TMEM167A: variants seen among roughly 807,000 people sequenced by gnomAD.
TMEM167A encodes the protein protein kish-A.
In TMEM167A, 8 loss-of-function variants were observed where a neutral mutation model predicts 11.6. The ratio of observed to expected loss-of-function variants is 0.69; its 90% CI spans 0.40 to 1.24. The LOEUF (loss-of-function observed/expected upper bound fraction) is 1.24, where lower values mean the gene tolerates loss of function less well. Among genes scored for constraint, TMEM167A ranks in the 50% most tolerant of loss-of-function variants. The pLI is 0.01. For synonymous variants in TMEM167A, 22 were observed against 28.0 expected (o/e 0.79, Z 0.67); for missense variants, 62 against 87.0 (o/e 0.71, Z 1.14).
chr5:83,068,287 A>T (rs1177670016), intron 1 of TMEM167A, among the ~76,000 whole-genome samples: 2 of 152,148 alleles, frequency 1.3e-5, no homozygotes, highest in African/African-American at 4.8e-5. Flanking sequence ...CCTTCCCTAC[A>T]GGAGTTTATG....
At chr5:83,074,839 C>A (rs919936906) in intron 1 of TMEM167A, among the ~76,000 whole-genome samples, 1 of 151,702 alleles carries the variant, frequency 6.6e-6, no homozygotes, top group Non-Finnish European at 1.5e-5. Context: ...GGCACAATCT[C>A]GACACACCGC....
rs1561307732 is a variant in TMEM167A at position 83,077,301 on chromosome 5, CT to C, written c.3+19del. On this transcript the variant is annotated intron_variant, in intron 1 of 3. Coordinates refer to ENST00000502346, the MANE Select transcript of TMEM167A (RefSeq NM_174909.5). ...CCCCTTCTCGAAGATCAACCGCGAC[CT>C]GGGAGCCCCACTTCTTACCATAGCG... The C allele has an allele frequency of 6.2e-7, 1 of 1,614,234 alleles. No individual in the cohort carries two copies. The highest frequency in any genetic ancestry group is 1.1e-5 in the South Asian group (1 of 91,092).
chr5:83,072,813 G>A lies in TMEM167A; in HGVS notation c.3+4508C>T, dbSNP rs536714451. Reference sequence around the variant, plus strand: ...CAATCAGTATTCAAAAGCTTTGCTAGAGAAGATCAGCACCCACATCAGATT... The same window carrying A: ...CAATCAGTATTCAAAAGCTTTGCTAAAGAAGATCAGCACCCACATCAGATT... On this transcript the variant is annotated intron_variant, in intron 1 of 3. Coordinates refer to ENST00000502346, the MANE Select transcript of TMEM167A (RefSeq NM_174909.5). 2.0e-5 allele frequency among the ~76,000 whole-genome samples: 3 copies of A among 152,252 alleles called. No individual in the cohort carries two copies. The East Asian group carries it at 5.8e-4, about 29-fold the overall frequency.
In TMEM167A at chr5:83,055,792, A is replaced by G. The variant is rs139633659; in HGVS notation, c.*1292T>C. On this transcript the variant is annotated 3_prime_UTR_variant, in exon 4 of 4. Transcript: ENST00000502346. ...TGCAGAAATAACTACTAGCCTATTA[A>G]TCTAGAAATAATTTTTTTTGTTTAA... is the stretch of plus-strand genomic sequence containing the variant. 2.4e-5 allele frequency: 1 copy of G among 41,900 alleles called. No homozygotes were observed. Among genetic ancestry groups the G allele is most frequent in the African/African-American group, 1.4e-4 (1 of 7,110 alleles). 2.6% of individuals were successfully genotyped at this position (41,900 alleles called of 1,614,324 possible). A position where few individuals can be genotyped will look rare whatever the true frequency, so the allele number is the denominator to read the frequency against.
In TMEM167A at chr5:83,061,863, T is replaced by TTA. The variant is rs761245352; in HGVS notation, c.148+12_148+13dup. ...TTACAGCTGAAGAAATGGAGGGAGA[T>TTA]TATAGACACTTACCAATTCTGGCAC... On this transcript the variant is annotated intron_variant, in intron 3 of 3. Coordinates refer to ENST00000502346, the MANE Select transcript of TMEM167A (RefSeq NM_174909.5). 1.2e-6 allele frequency: 2 copies of TTA among 1,602,590 alleles called. No individual in the cohort carries two copies. The highest frequency in any genetic ancestry group is 1.7e-5 in the Admixed American group (1 of 59,972).
chr5:83,067,781 G>A (rs1349642282), intron 1 of TMEM167A, among the ~76,000 whole-genome samples: 1 of 151,960 alleles, frequency 6.6e-6, no homozygotes, highest in Non-Finnish European at 1.5e-5. Context: ...CTAAAGTGCT[G>A]GGATTACAGG....
intron 1 of TMEM167A, among the ~76,000 whole-genome samples, chr5:83,071,906 C>T (rs1043336013): frequency 6.6e-6 from 1 of 152,186 alleles, no homozygotes; most frequent in African/African-American, 2.4e-5. Context: ...CATCTCACAT[C>T]TCCACTTGTC....
intron 1 of TMEM167A, among the ~76,000 whole-genome samples, chr5:83,067,415 G>A (rs1744499034): frequency 6.6e-6 from 1 of 152,158 alleles, no homozygotes; most frequent in African/African-American, 2.4e-5. Context: ...GTAGGCAAAA[G>A]GGGATCAAAG....
At chr5:83,059,465 C>T (rs1744377221) in intron 3 of TMEM167A, among the ~76,000 whole-genome samples, 1 of 147,726 alleles carries the variant, frequency 6.8e-6, no homozygotes, top group African/African-American at 2.7e-5. Context: ...CCATTATGTT[C>T]TCTCTTTGTA....
chr5:83,060,704 G>A (rs1409918642), intron 3 of TMEM167A, among the ~76,000 whole-genome samples: 1 of 151,684 alleles, frequency 6.6e-6, no homozygotes, highest in Non-Finnish European at 1.5e-5. Context: ...GGTGGTGGGT[G>A]CCTGTAATCC....
chr5:83,067,838 AG>A (rs2112245776), intron 1 of TMEM167A, among the ~76,000 whole-genome samples: 1 of 152,282 alleles, frequency 6.6e-6, no homozygotes, highest in South Asian at 2.1e-4. Context: ...CAACTTTTCT[AG>A]ATTTCTCAAA....
intron 2 of TMEM167A, chr5:83,064,162 C>A: frequency 2.0e-6 from 1 of 499,132 alleles, no homozygotes. Context: ...TGTATTAGTA[C>A]ATATTTTAAA....
At chr5:83,077,264 C>A in intron 1 of TMEM167A, 57 bp downstream of exon 1, 2 of 1,614,080 alleles carry the variant, frequency 1.2e-6, no homozygotes, top group Admixed American at 3.3e-5. Context: ...CAGCCCTAGT[C>A]TAGATCCACA....
At chr5:83,060,380 C>T (rs1744390380) in intron 3 of TMEM167A, among the ~76,000 whole-genome samples, 1 of 150,746 alleles carries the variant, frequency 6.6e-6, no homozygotes, top group African/African-American at 2.4e-5. Context: ...AAGAAGAGTA[C>T]TAAACAAAAG....
At chr5:83,075,692 C>G (rs893338546) in intron 1 of TMEM167A, among the ~76,000 whole-genome samples, 3 of 151,694 alleles carry the variant, frequency 2.0e-5, no homozygotes, top group African/African-American at 7.3e-5. Flanking sequence ...TTGCAGTGAG[C>G]TGAGATTATG....
rs1744305806 is a variant in TMEM167A, at chr5:83,054,831, A to T, written c.*2253T>A. On this transcript the variant is annotated 3_prime_UTR_variant, in exon 4 of 4. Coordinates refer to ENST00000502346, the MANE Select transcript of TMEM167A (RefSeq NM_174909.5). ...AACCTGCACATGTACCCCTGAACCT[A>T]AAAGTTAAAAAAATAAAAGGGATAG... 1 of 151,884 alleles carries T rather than the reference A, an allele frequency of 6.6e-6. No individual in the cohort carries two copies. Among genetic ancestry groups the T allele is most frequent in the African/African-American group, 2.4e-5 (1 of 41,394 alleles). The allele number at this position is 151,884 out of a possible 1,614,324, so 9.4% of individuals were successfully genotyped here.
chr5:83,062,606 G>A (rs903270778), intron 2 of TMEM167A, among the ~76,000 whole-genome samples: 4 of 151,800 alleles, frequency 2.6e-5, no homozygotes, highest in Non-Finnish European at 4.4e-5. Context: ...ATATTATATG[G>A]AGTAATCACT....
intron 2 of TMEM167A, among the ~76,000 whole-genome samples, chr5:83,062,349 G>C (rs1744418863): frequency 6.6e-6 from 1 of 152,094 alleles, no homozygotes; most frequent in Non-Finnish European, 1.5e-5. Context: ...ATTTCTTACA[G>C]AATGTAGCTC....
rs1744460344 is a variant in TMEM167A at position 83,064,936 on chromosome 5, A to C, written c.113+72T>G. On this transcript the variant is annotated intron_variant, in intron 2 of 3. Coordinates refer to ENST00000502346, the MANE Select transcript of TMEM167A (RefSeq NM_174909.5). ...ACATGTAGGAATTAAATTATCTAAT[A>C]ATTTATATGTTAACTTACATTGAAC... 3.9e-5 allele frequency: 35 copies of C among 895,698 alleles called. No homozygotes were observed. The South Asian group carries it at 5.6e-4, about 14-fold the overall frequency. The allele number at this position is 895,698 out of a possible 1,614,324, so 55.5% of individuals were successfully genotyped here.
Sources: allele counts gnomAD v4.1 joint callset (sites outside exome capture counted in the v4.1 genomes callset), GRCh38; gene constraint gnomAD v4.1.1; transcripts MANE v1.5; gene names NCBI Gene and HGNC (gene_info 2026-07-23, HGNC 2026-07-21).